The following NAALADL2 variants were observed in gnomAD, a reference collection of about 807,000 sequenced individuals.
The protein encoded by NAALADL2 is inactive N-acetylated-alpha-linked acidic dipeptidase-like protein 2.
A neutral mutation model predicts 87.2 loss-of-function variants in NAALADL2; 76 were observed. That is an observed-to-expected ratio of 0.87 (90% confidence interval 0.72 to 1.05). NAALADL2 has a LOEUF of 1.05. Among genes scored for constraint, NAALADL2 ranks in the 50% least tolerant of loss-of-function variants. NAALADL2 has a pLI of 0.00. For missense variants in NAALADL2, 1,089 were observed against 945.8 expected (o/e 1.15, Z -1.99); for synonymous variants, 354 against 331.0 (o/e 1.07, Z -0.75).
chr3:175,781,428 A>T (rs981852212), intron 13 of NAALADL2, among the ~76,000 whole-genome samples: 1 of 152,172 alleles, frequency 6.6e-6, no homozygotes, highest in Non-Finnish European at 1.5e-5. Flanking sequence ...TGATGATGGT[A>T]TAAACAAACT....
intron 2 of NAALADL2, among the ~76,000 whole-genome samples, chr3:175,114,071 G>A (rs1373450182): frequency 6.6e-6 from 1 of 151,628 alleles, no homozygotes; most frequent in Non-Finnish European, 1.5e-5. Context: ...AGTACCATTT[G>A]TTAGGAAGTA....
intron 1 of NAALADL2, among the ~76,000 whole-genome samples, chr3:174,921,547 A>G (rs1418296593): frequency 6.6e-6 from 1 of 152,148 alleles, no homozygotes; most frequent in African/African-American, 2.4e-5. Context: ...CACACCTGTA[A>G]TCCCAGCACT....
At chr3:175,721,370 A>G (rs1168730064) in intron 11 of NAALADL2, among the ~76,000 whole-genome samples, 1 of 152,138 alleles carries the variant, frequency 6.6e-6, no homozygotes, top group East Asian at 1.9e-4. Context: ...ATAAATGCAA[A>G]TGTACCTGTA....
rs71164634 is a variant in NAALADL2, at chr3:175,465,473, C to CTTTTTTTTTTTTTTTTTTTTTTTT, written c.1328-1487_1328-1486insTTTTTTTTTTTTTTTTTTTTTTTT. ...ACACTATGTATACCATGAATTAAAT[C>CTTTTTTTTTTTTTTTTTTTTTTTT]TTTTTTTTTTTTTTTTTTTGAGATG... On this transcript the variant is annotated intron_variant, in intron 7 of 13. Transcript: ENST00000454872. 3.6e-4 allele frequency among the ~76,000 whole-genome samples: 38 copies of CTTTTTTTTTTTTTTTTTTTTTTTT among 106,734 alleles called. 1 individual carries two copies. Among genetic ancestry groups the CTTTTTTTTTTTTTTTTTTTTTTTT allele is most frequent in the East Asian group, 2.3e-3 (7 of 3,052 alleles). 70.0% of individuals were successfully genotyped at this position (106,734 alleles called of 152,430 possible). A position where few individuals can be genotyped will look rare whatever the true frequency, so the allele number is the denominator to read the frequency against.
rs575563831 is a variant in NAALADL2 at position 175,649,911 on chromosome 3, A to T, written c.1896+22525A>T. On this transcript the variant is annotated intron_variant, in intron 11 of 13. Transcript: ENST00000454872. ...AGTTTTATATCTTTAACTCTAAAGA[A>T]AAAAAGTTCTGTTTATATACTATGG... Among the ~76,000 whole-genome samples the T allele has an allele frequency of 1.1e-3, 161 of 152,130 alleles. 1 individual carries two copies. Among genetic ancestry groups the T allele is most frequent in the African/African-American group, 3.7e-3 (154 of 41,444 alleles).
intron 11 of NAALADL2, among the ~76,000 whole-genome samples, chr3:175,725,133 G>A (rs1436717297): frequency 6.6e-6 from 1 of 151,900 alleles, no homozygotes; most frequent in Non-Finnish European, 1.5e-5. Context: ...ATTTCTAAGA[G>A]AATTTTCTCT....
intron 9 of NAALADL2, among the ~76,000 whole-genome samples, chr3:175,533,848 A>G (rs1444919950): frequency 6.6e-6 from 1 of 152,114 alleles, no homozygotes; most frequent in Non-Finnish European, 1.5e-5. Context: ...TTCTGAAGCC[A>G]GGAGTTAGAA....
chr3:174,930,985 CTT>C (rs149783501), intron 1 of NAALADL2, among the ~76,000 whole-genome samples: 3,309 of 152,098 alleles, frequency 0.022, 120 homozygotes, highest in African/African-American at 0.077. Flanking sequence ...AGTAGAATCA[CTT>C]TTTACCTAAT....
intron 5 of NAALADL2, among the ~76,000 whole-genome samples, chr3:175,433,329 T>A (rs1023453058): frequency 1.3e-5 from 2 of 151,996 alleles, no homozygotes; most frequent in African/African-American, 4.8e-5. Context: ...CATCATTGGG[T>A]TGTGAAGAAG....
At chr3:174,535,280 AC>A (rs1721623865) in intron 1 of NAALADL2, among the ~76,000 whole-genome samples, 3 of 152,152 alleles carry the variant, frequency 2.0e-5, no homozygotes, top group African/African-American at 7.2e-5. Context: ...TACTTAAAGT[AC>A]CCAGATGACT....
intron 1 of NAALADL2, among the ~76,000 whole-genome samples, chr3:174,445,011 A>AT (rs769110915): frequency 0.042 from 6,026 of 144,126 alleles, 158 homozygotes; most frequent in Non-Finnish European, 0.062. Context: ...CTTGTTTGAG[A>AT]TTTTTTTTTT....
intron 11 of NAALADL2, among the ~76,000 whole-genome samples, chr3:175,714,995 T>C (rs1003499417): frequency 6.6e-6 from 1 of 152,178 alleles, no homozygotes; most frequent in African/African-American, 2.4e-5. Flanking sequence ...GACTATTTTC[T>C]CTTTTCTAAA....
At chr3:174,526,488 C>G (rs1720756764) in intron 1 of NAALADL2, among the ~76,000 whole-genome samples, 1 of 152,054 alleles carries the variant, frequency 6.6e-6, no homozygotes, top group South Asian at 2.1e-4. Flanking sequence ...ATGTCTAACA[C>G]TTTACATATT....
chr3:174,603,152 T>A (rs1718626860), intron 2 of NAALADL2, among the ~76,000 whole-genome samples: 1 of 152,072 alleles, frequency 6.6e-6, no homozygotes, highest in Non-Finnish European at 1.5e-5. Context: ...AATTTTCTTT[T>A]CCTGTATTTC....
intron 2 of NAALADL2, among the ~76,000 whole-genome samples, chr3:174,597,342 A>G (rs1718017695): frequency 6.6e-6 from 1 of 152,176 alleles, no homozygotes; most frequent in Admixed American, 6.5e-5. Context: ...ACATAGCAAC[A>G]TTTTAGTCTC....
chr3:175,430,011 C>T (rs1455937365), intron 5 of NAALADL2, among the ~76,000 whole-genome samples: 1 of 151,688 alleles, frequency 6.6e-6, no homozygotes, highest in African/African-American at 2.4e-5. Flanking sequence ...GGGGCATGGC[C>T]AAAATGGTCT....
chr3:174,586,485 A>G (rs1405185857), intron 2 of NAALADL2, among the ~76,000 whole-genome samples: 2 of 152,232 alleles, frequency 1.3e-5, no homozygotes, highest in African/African-American at 4.8e-5. Flanking sequence ...ACCAGCGACG[A>G]GACCACAGGG....
At chr3:175,127,345 C>T (rs1174819556) in intron 2 of NAALADL2, among the ~76,000 whole-genome samples, 1 of 152,070 alleles carries the variant, frequency 6.6e-6, no homozygotes, top group Non-Finnish European at 1.5e-5. Flanking sequence ...TATAAGGTAT[C>T]CCTGCGGTAA....
chr3:175,540,069 A>G (rs1391828907), intron 9 of NAALADL2, among the ~76,000 whole-genome samples: 1 of 152,210 alleles, frequency 6.6e-6, no homozygotes, highest in Non-Finnish European at 1.5e-5. Context: ...AGGAAAATAT[A>G]CGTGTTCCCG....
Sources: allele counts gnomAD v4.1 joint callset (sites outside exome capture counted in the v4.1 genomes callset), GRCh38; gene constraint gnomAD v4.1.1; transcripts MANE v1.5; gene names NCBI Gene and HGNC (gene_info 2026-07-23, HGNC 2026-07-21).